LBR: variants seen among roughly 807,000 people sequenced by gnomAD.
The protein encoded by LBR is delta(14)-sterol reductase LBR.
In LBR, 28 loss-of-function variants were observed where a neutral mutation model predicts 74.3. The observed-to-expected ratio is 0.38, with a 90% CI of 0.28 to 0.52. LBR has a LOEUF of 0.52. Among genes scored for constraint, LBR ranks in the 20% least tolerant of loss-of-function variants. The probability of loss-of-function intolerance (pLI) is 0.89; values close to 1 mark genes in which losing one functional copy is unlikely to be tolerated. For synonymous variants in LBR, 228 were observed against 269.3 expected, an observed-to-expected ratio of 0.85 and a Z score of 1.50; for missense variants, 717 against 760.3, an observed-to-expected ratio of 0.94 and a Z score of 0.67.
In LBR at chr1:225,401,911, A is replaced by G. The variant is rs988255422; in HGVS notation, c.*1392T>C. 5 of 152,228 alleles carry G rather than the reference A, an allele frequency of 3.3e-5. No individual in the cohort carries two copies. Among genetic ancestry groups the G allele is most frequent in the Non-Finnish European group, 7.4e-5 (5 of 68,022 alleles). The allele number at this position is 152,228 out of a possible 1,614,324, so 9.4% of individuals were successfully genotyped here. A position where few individuals can be genotyped will look rare whatever the true frequency, so the allele number is the denominator to read the frequency against. On this transcript the variant is annotated 3_prime_UTR_variant, in exon 14 of 14. Transcript: ENST00000272163. ...AAATGCAGTATAGAATTAACACTGCATATCTAAATGGCTCATATATAAAAT... is the reference window on the plus strand; with the variant it reads ...AAATGCAGTATAGAATTAACACTGCGTATCTAAATGGCTCATATATAAAAT...
rs900533691 is a variant in LBR at position 225,416,213 on chromosome 1, A to AAGAGAG, written c.838-887_838-882dup. ...CCCTGTCTCAAGAAAAAAAAAAAAA[A>AAGAGAG]AGAGAGAGAGAGAGAGAGACTGTGA... is the stretch of plus-strand genomic sequence containing the variant. On this transcript the variant is annotated intron_variant, in intron 6 of 13. Transcript: ENST00000272163. 7.3e-5 allele frequency among the ~76,000 whole-genome samples: 10 copies of AAGAGAG among 137,896 alleles called. No individual in the cohort carries two copies. The East Asian group carries it at 1.1e-3, about 15-fold the overall frequency. 90.5% of individuals were successfully genotyped at this position (137,896 alleles called of 152,430 possible). A position where few individuals can be genotyped will look rare whatever the true frequency, so the allele number is the denominator to read the frequency against.
At chr1:225,408,766 G>T (rs2096097934) in intron 10 of LBR, among the ~76,000 whole-genome samples, 1 of 152,234 alleles carries the variant, frequency 6.6e-6, no homozygotes, top group Non-Finnish European at 1.5e-5. Context: ...CTGGGGCTAT[G>T]TTAATATTGC....
chr1:225,406,168 A>G (rs2096091116), intron 11 of LBR, among the ~76,000 whole-genome samples: 1 of 152,004 alleles, frequency 6.6e-6, no homozygotes. Flanking sequence ...ATCGAACACC[A>G]TATCCTCCGA....
chr1:225,420,185 C>T (rs892283337), intron 3 of LBR, among the ~76,000 whole-genome samples: 1 of 151,940 alleles, frequency 6.6e-6, no homozygotes, highest in East Asian at 1.9e-4. Context: ...TAGCGGGCAC[C>T]TGTAATTCCA....
chr1:225,423,415 C>T (rs981094957), intron 2 of LBR, among the ~76,000 whole-genome samples: 15 of 152,092 alleles, frequency 9.9e-5, no homozygotes, highest in African/African-American at 1.2e-4. Context: ...ATAAAAGCCC[C>T]CCCAGCCTGG....
At chr1:225,425,070 T>C (rs1180373259) in intron 1 of LBR, among the ~76,000 whole-genome samples, 1 of 152,156 alleles carries the variant, frequency 6.6e-6, no homozygotes, top group Non-Finnish European at 1.5e-5. Context: ...ACTAAGCACT[T>C]CTTGATGTAT....
chr1:225,419,152 C>T, intron 5 of LBR, 111 bp downstream of exon 5: 2 of 1,022,102 alleles, frequency 2.0e-6, no homozygotes, highest in Middle Eastern at 2.8e-4. Context: ...CCACCAGGCT[C>T]ATTACCTTGC....
intron 9 of LBR, among the ~76,000 whole-genome samples, chr1:225,410,636 T>C (rs527481786): frequency 6.6e-6 from 1 of 152,294 alleles, no homozygotes; most frequent in Admixed American, 6.5e-5. Context: ...AGTGGGTAAC[T>C]TTACCGCAAT....
At position 225,406,808 on chromosome 1, in the gene LBR, T is replaced by C. The variant is rs574782225; in HGVS notation, c.1339A>G (p.Ile447Val). 1.2e-6 allele frequency: 2 copies of C among 1,614,226 alleles called. No homozygotes were observed. The highest frequency in any genetic ancestry group is 2.2e-5 in the South Asian group (2 of 91,086). The change falls in exon 11 of 14, where the codon ATC (isoleucine) becomes GTC (valine). Residue 447 changes from isoleucine (I) to valine (V), a missense_variant. Physicochemically the swap from Ile to Val is conservative, Grantham distance 29. Transcript: ENST00000272163. ...NEEALLTTMD[I>V]IHDGFGFMLA... ...ATGAATCCAAATCCATCGTGGATGA[T>C]GTCCATGGTCGTCAACAACGCTTCC...
rs1478458108 is a variant in LBR at position 225,417,322 on chromosome 1, ATTAT to A, written c.837+658_837+661del. ...CCCTAAGAATAAGATCTTTAAATAA[ATTAT>A]TTATTACTTAGGGAATCTCATGTTT... is the stretch of plus-strand genomic sequence containing the variant. On this transcript the variant is annotated intron_variant, in intron 6 of 13. Coordinates refer to ENST00000272163, the MANE Select transcript of LBR (RefSeq NM_002296.4). Among the ~76,000 whole-genome samples the A allele has an allele frequency of 9.8e-5, 15 of 152,336 alleles. No homozygotes were observed. In the East Asian group the frequency reaches 2.7e-3, roughly 27 times the overall value.
intron 2 of LBR, 174 bp from the exon 3 acceptor site, chr1:225,422,451 T>C: frequency 1.6e-6 from 1 of 639,748 alleles, no homozygotes; most frequent in East Asian, 2.8e-5. Flanking sequence ...AATGCTTTCA[T>C]AATGATCCAT....
intron 3 of LBR, among the ~76,000 whole-genome samples, chr1:225,421,628 A>G (rs945038585): frequency 4.6e-5 from 7 of 152,260 alleles, no homozygotes; most frequent in South Asian, 2.1e-4. Flanking sequence ...TACAGGCTCC[A>G]TGCACCCTGA....
At position 225,422,248 on chromosome 1, in the gene LBR, A is replaced by G. The variant is rs759634108; in HGVS notation, c.195T>C (p.Gly65=). The G allele has an allele frequency of 3.1e-6, 5 of 1,613,690 alleles. No individual in the cohort carries two copies. The South Asian group carries it at 5.5e-5, about 18-fold the overall frequency. Residue 65 remains glycine (G), a synonymous_variant, in exon 3 of 14, where the codon GGT becomes GGC. Transcript: ENST00000272163. ...KPLTSFRQRK[G]GSTSSSPSRR... The stretch of plus-strand genomic sequence containing the variant: ...TGGAAGGGGAACTGGAAGTTGAGCC[A>G]CCTTTCCTTTGCCTAAAGGAAGTTA...
In LBR at chr1:225,404,492, A is replaced by T; in HGVS notation, c.1599T>A (p.Asn533Lys). 6.2e-7 allele frequency: 1 copy of T among 1,613,688 alleles called. No individual in the cohort carries two copies. Among genetic ancestry groups the T allele is most frequent in the African/African-American group, 1.3e-5 (1 of 75,038 alleles). Residue 533 changes from asparagine to lysine, a missense_variant, in exon 13 of 14, where the codon AAT becomes AAA. Coordinates refer to ENST00000272163, the MANE Select transcript of LBR (RefSeq NM_002296.4). ...AGCCCCACCATCCAGAAACTAGAAG[A>T]TTTTTTCCCGTTGAAGTATGAATGG... ...LKTIHTSTGK[N>K]LLVSGWWGFV...
At chr1:225,420,977 G>C (rs1558657158) in intron 3 of LBR, among the ~76,000 whole-genome samples, 1 of 152,150 alleles carries the variant, frequency 6.6e-6, no homozygotes, top group African/African-American at 2.4e-5. Context: ...ATACTTGTTT[G>C]TAATAGTGAA....
At chr1:225,419,649 A>G in intron 4 of LBR, 66 bp downstream of exon 4, 1 of 1,173,000 alleles carries the variant, frequency 8.5e-7, no homozygotes, top group Non-Finnish European at 1.3e-6. Context: ...TTCTCAAGGG[A>G]GAGTCACTTT....
upstream of LBR, among the ~76,000 whole-genome samples, chr1:225,428,309 GT>G (rs947693808): frequency 2.6e-5 from 4 of 152,106 alleles, no homozygotes; most frequent in African/African-American, 9.7e-5. Context: ...GGAGCGCGAC[GT>G]TTGCCACCGC....
In LBR at chr1:225,412,631, T is replaced by C; in HGVS notation, c.907A>G (p.Ile303Val). The C allele has an allele frequency of 6.3e-7, 1 of 1,580,622 alleles. No individual in the cohort carries two copies. The change falls in exon 8 of 14, where the codon ATC becomes GTC. Residue 303 changes from isoleucine to valine, a missense_variant. Coordinates refer to ENST00000272163, the MANE Select transcript of LBR (RefSeq NM_002296.4). ...KYRLNGFYAF[I>V]LTSAVIGTSL... is the part of the protein sequence containing the mutation. ...GTTCCGATGACTGCAGATGTCAGGATAAAAGCATAGAATCCTTTAAAAAAA... is the reference window on the plus strand; with the variant it reads ...GTTCCGATGACTGCAGATGTCAGGACAAAAGCATAGAATCCTTTAAAAAAA...
chr1:225,410,851 T>C (rs2096103625), intron 9 of LBR, among the ~76,000 whole-genome samples: 1 of 152,220 alleles, frequency 6.6e-6, no homozygotes, highest in Admixed American at 6.5e-5. Context: ...GCGGAAAAAC[T>C]GGTGAACTCG....
Sources: gnomAD v4.1 joint callset for allele counts (sites outside exome capture counted in the v4.1 genomes callset) on GRCh38, gnomAD v4.1.1 for gene constraint, MANE v1.5 for transcripts, NCBI Gene and HGNC (gene_info 2026-07-23, HGNC 2026-07-21) for gene names.